NFIA: variants seen among roughly 807,000 people sequenced by gnomAD.
The protein encoded by NFIA is nuclear factor 1 A-type.
A neutral mutation model predicts 62.8 loss-of-function variants in NFIA; 8 were observed. The observed-to-expected ratio is 0.13, with a 90% CI of 0.07 to 0.23. The LOEUF (loss-of-function observed/expected upper bound fraction) is 0.23, where lower values mean the gene tolerates loss of function less well. Ranked by LOEUF, NFIA falls within the 10% of genes least tolerant of loss-of-function variation. The pLI is 1.00. For missense variants in NFIA, 410 were observed against 642.1 expected (o/e 0.64, Z 3.91); for synonymous variants, 235 against 238.1 (o/e 0.99, Z 0.12).
intron 2 of NFIA, among the ~76,000 whole-genome samples, chr1:61,151,821 C>T (rs981315797): frequency 6.6e-6 from 1 of 152,124 alleles, no homozygotes. Flanking sequence ...CACCCAGGGC[C>T]ACTTATGTTA....
intron 2 of NFIA, among the ~76,000 whole-genome samples, chr1:61,198,629 G>A (rs1303001829): frequency 6.6e-6 from 1 of 152,118 alleles, no homozygotes; most frequent in East Asian, 1.9e-4. Context: ...TGCAGTCGTG[G>A]TCCTCTGGCA....
chr1:61,355,715 G>A (rs1175693691), intron 5 of NFIA, among the ~76,000 whole-genome samples: 1 of 152,074 alleles, frequency 6.6e-6, no homozygotes, highest in Non-Finnish European at 1.5e-5. Flanking sequence ...GAAGTAGCTA[G>A]GACTGTAGGC....
intron 2 of NFIA, among the ~76,000 whole-genome samples, chr1:61,199,311 C>T (rs541856127): frequency 1.6e-4 from 24 of 152,318 alleles, no homozygotes; most frequent in African/African-American, 5.1e-4. Flanking sequence ...AAAAGACATA[C>T]TGCTGGTTGA....
At chr1:61,265,774 G>A (rs1260786998) in intron 2 of NFIA, among the ~76,000 whole-genome samples, 3 of 152,148 alleles carry the variant, frequency 2.0e-5, no homozygotes, top group Non-Finnish European at 2.9e-5. Context: ...TGGAAGACCC[G>A]ATGGGTCAAG....
intron 2 of NFIA, among the ~76,000 whole-genome samples, chr1:61,228,042 G>C (rs1654442411): frequency 6.6e-6 from 1 of 152,154 alleles, no homozygotes; most frequent in South Asian, 2.1e-4. Context: ...TTGAAGATCT[G>C]TTTTGGCTTG....
At chr1:61,403,552 C>T (rs1440987398) in intron 7 of NFIA, among the ~76,000 whole-genome samples, 5 of 152,230 alleles carry the variant, frequency 3.3e-5, no homozygotes, top group South Asian at 4.2e-4. Flanking sequence ...ATAAACCATC[C>T]GTGTAAAGTG....
chr1:61,422,919 C>T (rs979321678), intron 9 of NFIA, among the ~76,000 whole-genome samples: 6 of 151,956 alleles, frequency 3.9e-5, no homozygotes, highest in Non-Finnish European at 5.9e-5. Context: ...AGCCATTCCC[C>T]GACTGATCTT....
chr1:61,184,140 A>C (rs1293501469), intron 2 of NFIA, among the ~76,000 whole-genome samples: 1 of 149,328 alleles, frequency 6.7e-6, no homozygotes, highest in Non-Finnish European at 1.5e-5. Flanking sequence ...AAAAAAAAAA[A>C]AACCCAAAAA....
At chr1:61,099,481 A>G (rs1646472700) in intron 2 of NFIA, among the ~76,000 whole-genome samples, 1 of 152,234 alleles carries the variant, frequency 6.6e-6, no homozygotes, top group Non-Finnish European at 1.5e-5. Context: ...GAGGTTGCCT[A>G]TCTGGGTACC....
chr1:61,346,856 T>C lies in NFIA; in HGVS notation c.701-5594T>C, dbSNP rs536608669. 1.4e-4 allele frequency among the ~76,000 whole-genome samples: 21 copies of C among 152,296 alleles called. No homozygotes were observed. In the South Asian group the frequency reaches 3.7e-3, roughly 27 times the overall value. Reference sequence around the variant, plus strand: ...GGCTGGGAAAGTCTCGGGAAACTTATAATCATGGCAGAAGGCACCTCTTCA... The same window carrying C: ...GGCTGGGAAAGTCTCGGGAAACTTACAATCATGGCAGAAGGCACCTCTTCA... On this transcript the variant is annotated intron_variant, in intron 4 of 10. Coordinates refer to ENST00000403491, the MANE Select transcript of NFIA (RefSeq NM_001134673.4).
At chr1:61,377,898 A>G (rs994695640) in intron 6 of NFIA, among the ~76,000 whole-genome samples, 5 of 152,150 alleles carry the variant, frequency 3.3e-5, no homozygotes, top group Non-Finnish European at 5.9e-5. Context: ...AAAATCCAGC[A>G]TGTTGTTCGG....
intron 5 of NFIA, among the ~76,000 whole-genome samples, chr1:61,357,736 G>T (rs572408801): frequency 1.3e-5 from 2 of 152,228 alleles, no homozygotes; most frequent in South Asian, 4.1e-4. Flanking sequence ...ACTTTGCACA[G>T]CACCTGGCAT....
At chr1:61,394,126 T>C (rs912563966) in intron 7 of NFIA, among the ~76,000 whole-genome samples, 7 of 152,212 alleles carry the variant, frequency 4.6e-5, no homozygotes, top group Non-Finnish European at 7.3e-5. Context: ...CTGTGTACAT[T>C]AATGCTAATC....
intron 7 of NFIA, among the ~76,000 whole-genome samples, chr1:61,384,989 T>C (rs958515991): frequency 6.6e-6 from 1 of 152,162 alleles, no homozygotes; most frequent in African/African-American, 2.4e-5. Context: ...CCTAGCACTT[T>C]CTGAGGCCAA....
rs530589271 is a variant in NFIA, at chr1:61,455,378, A to G, written c.*58A>G. ...CCACCTGACCCCTTCTCAACTCTGTAACATGGACGCAACCTCAACCCAGCG... is the reference window on the plus strand; with the variant it reads ...CCACCTGACCCCTTCTCAACTCTGTGACATGGACGCAACCTCAACCCAGCG... On this transcript the variant is annotated 3_prime_UTR_variant, in exon 11 of 11. Coordinates refer to ENST00000403491, the MANE Select transcript of NFIA (RefSeq NM_001134673.4). 1 of 1,613,996 alleles carries G rather than the reference A, an allele frequency of 6.2e-7. No homozygotes were observed. The highest frequency in any genetic ancestry group is 8.5e-7 in the Non-Finnish European group (1 of 1,179,944).
chr1:61,404,383 G>T, intron 8 of NFIA, 101 bp downstream of exon 8: 1 of 1,209,370 alleles, frequency 8.3e-7, no homozygotes, highest in South Asian at 1.7e-5. Context: ...CTCTAATGTT[G>T]TGCTGACTGA....
chr1:61,281,456 G>A (rs1017017679), intron 3 of NFIA, among the ~76,000 whole-genome samples: 22 of 152,264 alleles, frequency 1.4e-4, no homozygotes, highest in African/African-American at 5.1e-4. Flanking sequence ...GGAAGGGGAT[G>A]GCGTCAGAAA....
chr1:61,233,412 C>T (rs994568041), intron 2 of NFIA, among the ~76,000 whole-genome samples: 6 of 152,096 alleles, frequency 3.9e-5, no homozygotes, highest in Admixed American at 3.3e-4. Context: ...GAGAAAGTTC[C>T]GTAAGTTGAC....
rs557201555 is a variant in NFIA at position 61,227,811 on chromosome 1, G to C, written c.560-49709G>C. On this transcript the variant is annotated intron_variant, in intron 2 of 10. Transcript: ENST00000403491. ...CTATTCCTAATTAAAATCTTTAAGT[G>C]GCCTTGTCTGGTATCATAAGCAGGT... Among the ~76,000 whole-genome samples the C allele has an allele frequency of 7.2e-4, 109 of 152,252 alleles. 1 individual carries two copies. The highest frequency in any genetic ancestry group is 2.4e-3 in the African/African-American group (101 of 41,546).
Sources: gnomAD v4.1 joint callset for allele counts (sites outside exome capture counted in the v4.1 genomes callset) on GRCh38, gnomAD v4.1.1 for gene constraint, MANE v1.5 for transcripts, NCBI Gene and HGNC (gene_info 2026-07-23, HGNC 2026-07-21) for gene names.